Variants in MND1 observed in about 807,000 individuals in gnomAD.
MND1 encodes meiotic nuclear division protein 1 homolog.
A neutral mutation model predicts 35.1 loss-of-function variants in MND1; 28 were observed. The ratio of observed to expected loss-of-function variants is 0.80; its 90% CI spans 0.59 to 1.09. The LOEUF (loss-of-function observed/expected upper bound fraction) is 1.09, where lower values mean the gene tolerates loss of function less well. Ranked by LOEUF, MND1 falls within the 50% of genes least tolerant of loss-of-function variation. MND1 has a pLI of 0.00. For synonymous variants in MND1, 69 were observed against 70.5 expected (o/e 0.98, Z 0.11); for missense variants, 213 against 239.6 (o/e 0.89, Z 0.73).
At chr4:153,380,541 A>G (rs892222525) in intron 4 of MND1, among the ~76,000 whole-genome samples, 1 of 152,302 alleles carries the variant, frequency 6.6e-6, no homozygotes, top group South Asian at 2.1e-4. Context: ...AAAAAAATTC[A>G]TGCTCTGGGA....
chr4:153,394,768 T>A (rs943187813), intron 5 of MND1, among the ~76,000 whole-genome samples: 9 of 152,160 alleles, frequency 5.9e-5, no homozygotes, highest in African/African-American at 1.7e-4. Context: ...AATTTTTGCA[T>A]AGAACAAACT....
intron 3 of MND1, among the ~76,000 whole-genome samples, chr4:153,356,702 T>G (rs1773352500): frequency 6.6e-6 from 1 of 152,076 alleles, no homozygotes; most frequent in Non-Finnish European, 1.5e-5. Flanking sequence ...GGTAGTCAAG[T>G]CATGTCTAAT....
At position 153,345,416 on chromosome 4, in the gene MND1, G is replaced by A; in HGVS notation, c.3+676G>A. ...GCAGGAGTCGCTGCTCTTGTGCCGG[G>A]TGCTGCTGGTTGTGTAGGGCGCTGT... On this transcript the variant is annotated intron_variant, in intron 1 of 7. Transcript: ENST00000240488. The A allele has an allele frequency of 4.1e-6, 4 of 985,550 alleles. No individual in the cohort carries two copies. In the South Asian group the frequency reaches 1.9e-4, roughly 46 times the overall value. 61.1% of individuals were successfully genotyped at this position (985,550 alleles called of 1,614,324 possible). A position where few individuals can be genotyped will look rare whatever the true frequency, so the allele number is the denominator to read the frequency against.
intron 4 of MND1, among the ~76,000 whole-genome samples, chr4:153,381,101 G>C (rs1020081920): frequency 2.0e-5 from 3 of 152,008 alleles, no homozygotes; most frequent in African/African-American, 7.2e-5. Flanking sequence ...GGGTTTCAAC[G>C]TGTTAGCCAG....
Position 153,380,187 on chromosome 4 carries a change from C to T in MND1, c.277-14075C>T, listed in dbSNP as rs565649985. Among the ~76,000 whole-genome samples the T allele has an allele frequency of 7.9e-5, 12 of 152,164 alleles. No homozygotes were observed. In the South Asian group the frequency reaches 1.2e-3, roughly 16 times the overall value. Reference sequence around the variant, plus strand: ...AGCCACAAATAACAGAAAAGTAGATCAAAGTTGGCTTAAATAATAGGAGTT... The same window carrying T: ...AGCCACAAATAACAGAAAAGTAGATTAAAGTTGGCTTAAATAATAGGAGTT... On this transcript the variant is annotated intron_variant, in intron 4 of 7. Transcript: ENST00000240488.
intron 4 of MND1, chr4:153,362,945 T>C: frequency 5.3e-6 from 5 of 939,944 alleles, no homozygotes; most frequent in Non-Finnish European, 6.3e-6. Context: ...TTAGTATGCA[T>C]GTCTATACAT....
At chr4:153,408,132 T>C (rs889463971) in intron 6 of MND1, among the ~76,000 whole-genome samples, 4 of 152,128 alleles carry the variant, frequency 2.6e-5, no homozygotes, top group African/African-American at 9.7e-5. Flanking sequence ...GAGCTGGGCA[T>C]GGTGGCGCAT....
intron 4 of MND1, among the ~76,000 whole-genome samples, chr4:153,374,158 C>T (rs1728416991): frequency 1.3e-5 from 2 of 152,186 alleles, no homozygotes; most frequent in Admixed American, 6.5e-5. Flanking sequence ...TGTAAGATGC[C>T]TGGTACTTTA....
intron 4 of MND1, among the ~76,000 whole-genome samples, chr4:153,392,101 G>T (rs1194464455): frequency 1.4e-5 from 2 of 147,846 alleles, no homozygotes; most frequent in Non-Finnish European, 3.0e-5. Flanking sequence ...TTTGTGGGGG[G>T]CAGTTTAGTT....
intron 4 of MND1, among the ~76,000 whole-genome samples, chr4:153,361,334 T>C (rs941693990): frequency 3.3e-5 from 5 of 152,226 alleles, no homozygotes; most frequent in African/African-American, 1.2e-4. Context: ...TACTTCATTG[T>C]CTTGTGGCAT....
chr4:153,393,515 A>G (rs1729106399), intron 4 of MND1, among the ~76,000 whole-genome samples: 3 of 151,942 alleles, frequency 2.0e-5, no homozygotes, highest in Non-Finnish European at 4.4e-5. Context: ...AGTAGCTGGG[A>G]CTACAGGCTC....
chr4:153,399,029 CA>C (rs1160735931), intron 6 of MND1, among the ~76,000 whole-genome samples: 1 of 152,196 alleles, frequency 6.6e-6, no homozygotes, highest in Non-Finnish European at 1.5e-5. Context: ...TGAATACTTT[CA>C]GGTGATTTAT....
intron 4 of MND1, among the ~76,000 whole-genome samples, chr4:153,390,489 T>A (rs927328474): frequency 6.6e-6 from 1 of 152,166 alleles, no homozygotes; most frequent in African/African-American, 2.4e-5. Flanking sequence ...TCAAATGCTT[T>A]TAAGTTGTAA....
Position 153,344,688 on chromosome 4 carries a change from C to T in MND1, c.-50C>T, listed in dbSNP as rs1379323668. The T allele has an allele frequency of 1.3e-6, 2 of 1,540,968 alleles. No homozygotes were observed. The highest frequency in any genetic ancestry group is 1.7e-4 in the Middle Eastern group (1 of 5,924). ...TCAAACGCGTCCTGGCCTGTCCCGC[C>T]CCTCTCCCCAAGCGCGGGCCCGGCC... On this transcript the variant is annotated 5_prime_UTR_variant, in exon 1 of 8. Transcript: ENST00000240488.
chr4:153,389,098 G>A (rs1258956653), intron 4 of MND1, among the ~76,000 whole-genome samples: 1 of 152,220 alleles, frequency 6.6e-6, no homozygotes, highest in Non-Finnish European at 1.5e-5. Context: ...GAAAGGGTAG[G>A]TATATGTAAA....
chr4:153,394,388 G>A (rs1237631308), intron 5 of MND1, 52 bp downstream of exon 5: 1 of 1,439,552 alleles, frequency 6.9e-7, no homozygotes, highest in East Asian at 2.4e-5. Flanking sequence ...AAATATTAGA[G>A]TAAGCGACAC....
chr4:153,356,985 C>A (rs912473718), intron 3 of MND1, among the ~76,000 whole-genome samples: 1 of 151,756 alleles, frequency 6.6e-6, no homozygotes, highest in Non-Finnish European at 1.5e-5. Context: ...ACCATGCCCA[C>A]CTAATTTTTG....
intron 4 of MND1, among the ~76,000 whole-genome samples, chr4:153,387,480 C>A (rs1728901659): frequency 6.6e-6 from 1 of 152,024 alleles, no homozygotes; most frequent in Non-Finnish European, 1.5e-5. Context: ...GTAAACAAGG[C>A]CAGGCTCAGT....
intron 4 of MND1, among the ~76,000 whole-genome samples, chr4:153,391,473 C>G (rs1441196196): frequency 1.3e-5 from 2 of 151,984 alleles, no homozygotes; most frequent in Admixed American, 6.6e-5. Context: ...CGCCTGTGAT[C>G]CCAGCACTTT....
Sources: allele counts gnomAD v4.1 joint callset (sites outside exome capture counted in the v4.1 genomes callset), GRCh38; gene constraint gnomAD v4.1.1; transcripts MANE v1.5; gene names NCBI Gene and HGNC (gene_info 2026-07-23, HGNC 2026-07-21).